STAC: variants seen among roughly 807,000 people sequenced by gnomAD.
STAC encodes the protein SH3 and cysteine rich domain.
A neutral mutation model predicts 48.8 loss-of-function variants in STAC; 43 were observed. The ratio of observed to expected loss-of-function variants is 0.88; its 90% CI spans 0.69 to 1.14. STAC has a LOEUF of 1.14. Among genes scored for constraint, STAC ranks in the 50% most tolerant of loss-of-function variants. The pLI, the probability that STAC is intolerant of heterozygous loss-of-function variation, is 0.00. For synonymous variants in STAC, 193 were observed against 179.5 expected, an observed-to-expected ratio of 1.07 and a Z score of -0.60; for missense variants, 497 against 504.0, an observed-to-expected ratio of 0.99 and a Z score of 0.13.
At chr3:36,512,605 G>A (rs1283150746) in intron 8 of STAC, among the ~76,000 whole-genome samples, 2 of 152,090 alleles carry the variant, frequency 1.3e-5, no homozygotes, top group Non-Finnish European at 2.9e-5. Flanking sequence ...CTAGCTGCCT[G>A]GTGGTGGTCA....
At chr3:36,414,636 C>A (rs143501920) in intron 1 of STAC, among the ~76,000 whole-genome samples, 3,536 of 152,226 alleles carry the variant, frequency 0.023, 60 homozygotes, top group East Asian at 0.026. Flanking sequence ...TCCTTTAGCT[C>A]GGAGAAGTTT....
intron 1 of STAC, among the ~76,000 whole-genome samples, chr3:36,432,292 G>A (rs1700725091): frequency 6.6e-6 from 1 of 152,210 alleles, no homozygotes; most frequent in Non-Finnish European, 1.5e-5. Flanking sequence ...TCACACTGCT[G>A]GAGACCAGCA....
intron 2 of STAC, among the ~76,000 whole-genome samples, chr3:36,444,452 C>G (rs1211422495): frequency 2.0e-5 from 3 of 152,232 alleles, no homozygotes; most frequent in Non-Finnish European, 4.4e-5. Context: ...TGCATCTTCT[C>G]TCTACTCCTT....
chr3:36,476,851 A>G (rs116836967), intron 2 of STAC, among the ~76,000 whole-genome samples: 1,995 of 152,168 alleles, frequency 0.013, 21 homozygotes, highest in Non-Finnish European at 0.022. Flanking sequence ...CTGTGACATG[A>G]TCATTTGACC....
chr3:36,426,434 T>C (rs1700566057), intron 1 of STAC, among the ~76,000 whole-genome samples: 1 of 152,262 alleles, frequency 6.6e-6, no homozygotes, highest in African/African-American at 2.4e-5. Context: ...AAAAACCATT[T>C]ACTAAGTTCC....
intron 1 of STAC, among the ~76,000 whole-genome samples, chr3:36,441,132 T>C (rs1696335383): frequency 6.6e-6 from 1 of 152,172 alleles, no homozygotes; most frequent in Non-Finnish European, 1.5e-5. Context: ...TATTTGAAAC[T>C]ATATAATGTA....
intron 10 of STAC, among the ~76,000 whole-genome samples, chr3:36,544,115 T>G (rs971049665): frequency 2.6e-5 from 4 of 152,168 alleles, no homozygotes; most frequent in African/African-American, 7.2e-5. Flanking sequence ...CAAGGCATTT[T>G]TGTGTGTTCT....
At position 36,493,910 on chromosome 3, in the gene STAC, G is replaced by A. The variant is rs541042716; in HGVS notation, c.766+681G>A. On this transcript the variant is annotated intron_variant, in intron 6 of 10. Transcript: ENST00000273183. The stretch of plus-strand genomic sequence containing the variant: ...TCACGCTTGTAATCCCAGCACTTTG[G>A]GAGGCCGAGGCGGGCGGATCACGAG... Among the ~76,000 whole-genome samples the A allele has an allele frequency of 3.0e-4, 46 of 152,070 alleles. No individual in the cohort carries two copies. In the East Asian group the frequency reaches 8.9e-3, roughly 29 times the overall value.
intron 10 of STAC, among the ~76,000 whole-genome samples, chr3:36,536,098 T>A (rs138022595): frequency 6.6e-6 from 1 of 152,176 alleles, no homozygotes; most frequent in Non-Finnish European, 1.5e-5. Context: ...TGTCTGGTGC[T>A]GGGCTTTTTT....
chr3:36,502,262 G>C (rs967759603), intron 6 of STAC, among the ~76,000 whole-genome samples: 1 of 152,076 alleles, frequency 6.6e-6, no homozygotes, highest in Non-Finnish European at 1.5e-5. Flanking sequence ...AAACGACCAA[G>C]TTATTTTTCA....
intron 1 of STAC, among the ~76,000 whole-genome samples, chr3:36,409,925 G>A (rs1700156419): frequency 6.6e-6 from 1 of 152,078 alleles, no homozygotes; most frequent in Non-Finnish European, 1.5e-5. Context: ...GTTAGCAGTA[G>A]GTCTCTACAA....
At chr3:36,481,303 C>T (rs1697640083) in intron 2 of STAC, among the ~76,000 whole-genome samples, 1 of 152,186 alleles carries the variant, frequency 6.6e-6, no homozygotes, top group African/African-American at 2.4e-5. Flanking sequence ...CCTTATAATA[C>T]ATCAGAAAGG....
chr3:36,386,778 T>C (rs1195213128), intron 1 of STAC, among the ~76,000 whole-genome samples: 6 of 152,128 alleles, frequency 3.9e-5, no homozygotes. Context: ...AATGTAATGA[T>C]TTTATTTAAA....
chr3:36,401,231 A>C (rs563765326), intron 1 of STAC, among the ~76,000 whole-genome samples: 1 of 152,210 alleles, frequency 6.6e-6, no homozygotes, highest in African/African-American at 2.4e-5. Flanking sequence ...AAAGAGGCAA[A>C]GGGAACCTCC....
intron 8 of STAC, among the ~76,000 whole-genome samples, chr3:36,525,456 G>A (rs574629915): frequency 6.6e-6 from 1 of 152,310 alleles, no homozygotes; most frequent in South Asian, 2.1e-4. Flanking sequence ...ACAGCCAAGA[G>A]TGAGTCTCTC....
At chr3:36,519,002 G>A (rs1698738439) in intron 8 of STAC, among the ~76,000 whole-genome samples, 1 of 152,156 alleles carries the variant, frequency 6.6e-6, no homozygotes, top group South Asian at 2.1e-4. Flanking sequence ...ACTTACAGCA[G>A]CCTCAAAGGG....
intron 1 of STAC, among the ~76,000 whole-genome samples, chr3:36,421,684 C>G (rs1053838801): frequency 6.6e-6 from 1 of 152,066 alleles, no homozygotes; most frequent in Admixed American, 6.5e-5. Context: ...TCATTTATAT[C>G]TTCCTGAATT....
intron 1 of STAC, among the ~76,000 whole-genome samples, chr3:36,419,072 T>A (rs1700388890): frequency 6.6e-6 from 1 of 151,156 alleles, no homozygotes; most frequent in Non-Finnish European, 1.5e-5. Context: ...AAAGAAATTA[T>A]CTTCAATAGT....
At chr3:36,488,925 G>A (rs1481337487) in intron 5 of STAC, among the ~76,000 whole-genome samples, 2 of 152,030 alleles carry the variant, frequency 1.3e-5, no homozygotes, top group African/African-American at 2.4e-5. Context: ...TTAGGCATGG[G>A]ATATGAGTCC....
Sources: gnomAD v4.1 joint callset for allele counts (sites outside exome capture counted in the v4.1 genomes callset) on GRCh38, gnomAD v4.1.1 for gene constraint, MANE v1.5 for transcripts, NCBI Gene and HGNC (gene_info 2026-07-23, HGNC 2026-07-21) for gene names.